AFP: variants seen among roughly 807,000 people sequenced by gnomAD.
The protein encoded by AFP is alpha-fetoprotein.
In AFP, 64 loss-of-function variants were observed where a neutral mutation model predicts 78.9. The observed-to-expected ratio is 0.81, with a 90% confidence interval of 0.66 to 1.00. The LOEUF (loss-of-function observed/expected upper bound fraction) is 1.00, where lower values mean the gene tolerates loss of function less well. Ranked by LOEUF, AFP falls within the 50% of genes least tolerant of loss-of-function variation. The pLI is 0.00. For missense variants in AFP, 689 were observed against 703.8 expected (o/e 0.98, Z 0.24); for synonymous variants, 254 against 243.8 (o/e 1.04, Z -0.39).
chr4:73,448,857 CT>C lies in AFP; in HGVS notation c.1059-476del, dbSNP rs533001116. Among the ~76,000 whole-genome samples, 94 of 152,214 alleles carry C rather than the reference CT, an allele frequency of 6.2e-4. 1 individual carries two copies. The South Asian group carries it at 0.015, about 25-fold the overall frequency. On this transcript the variant is annotated intron_variant, in intron 8 of 14. Transcript: ENST00000395792. ...CATTCAAAGTTAGTGGCCTCTCCAC[CT>C]TGGGTATCATCCTTTTTTCTCTTTT...
At chr4:73,450,594 G>GTTA in intron 10 of AFP, 21 bp from the exon 11 acceptor site, 1 of 1,614,066 alleles carries the variant, frequency 6.2e-7, no homozygotes, top group Non-Finnish European at 8.5e-7. Flanking sequence ...GCAGGACTTA[G>GTTA]TTAAAAAATG....
At chr4:73,437,243 T>C in intron 2 of AFP, 32 bp downstream of exon 2, 4 of 1,544,018 alleles carry the variant, frequency 2.6e-6, no homozygotes, top group Non-Finnish European at 3.6e-6. Context: ...GTACTTTAAA[T>C]GTGTAAAGCA....
At position 73,447,633 on chromosome 4, in the gene AFP, T is replaced by G. The variant is rs769775087; in HGVS notation, c.1015T>G (p.Phe339Val). The G allele has an allele frequency of 1.2e-6, 2 of 1,611,694 alleles. No homozygotes were observed. Among genetic ancestry groups the G allele is most frequent in the East Asian group, 4.5e-5 (2 of 44,862 alleles). ...AAACAGGTTTTTAGGAGATAGAGAT[T>G]TTAACCAATTTTCTTCAGGGGAAAA... ...NLNRFLGDRDFNQFSSGEKNI... is the reference protein window; with the variant it reads ...NLNRFLGDRDVNQFSSGEKNI... Residue 339 changes from phenylalanine (F) to valine (V), a missense_variant, in exon 8 of 15, where the codon TTT (phenylalanine) becomes GTT (valine). Physicochemically the swap from Phe to Val is conservative, Grantham distance 50 (BLOSUM62 -1). Transcript: ENST00000395792.
At chr4:73,449,512 A>C in intron 9 of AFP, 45 bp downstream of exon 9, 1 of 1,607,362 alleles carries the variant, frequency 6.2e-7, no homozygotes, top group Non-Finnish European at 8.5e-7. Context: ...AACTGGATTG[A>C]TATCATCTGT....
intron 13 of AFP, 83 bp from the exon 14 acceptor site, chr4:73,455,153 C>T (rs1346384492): frequency 8.2e-6 from 9 of 1,095,718 alleles, no homozygotes; most frequent in African/African-American, 1.5e-5. Flanking sequence ...CCTATGAATT[C>T]ACCCCGGATT....
chr4:73,449,917 T>G, intron 9 of AFP, 119 bp from the exon 10 acceptor site: 1 of 688,862 alleles, frequency 1.5e-6, no homozygotes, highest in Non-Finnish European at 2.5e-6. Context: ...CTTTACCATA[T>G]TTAATATTTA....
intron 4 of AFP, among the ~76,000 whole-genome samples, chr4:73,441,892 G>A (rs979234056): frequency 6.6e-6 from 1 of 152,166 alleles, no homozygotes; most frequent in African/African-American, 2.4e-5. Flanking sequence ...CTATCCAGGT[G>A]CATAACCCCA....
intron 5 of AFP, among the ~76,000 whole-genome samples, chr4:73,443,067 A>G (rs1719717306): frequency 1.3e-5 from 2 of 152,168 alleles, no homozygotes. Flanking sequence ...TAAGCTGTTT[A>G]AAGGTACAGT....
chr4:73,445,061 A>C lies in AFP; in HGVS notation c.782A>C (p.Asp261Ala), dbSNP rs766073703. ...ACTGAAATCCAGAAACTAGTCCTGG[A>C]TGTGGCCCATGTACATGAGCACTGT... is the stretch of plus-strand genomic sequence containing the variant. Reference protein sequence around the residue: ...NFTEIQKLVLDVAHVHEHCCR... With the variant: ...NFTEIQKLVLAVAHVHEHCCR... The change falls in exon 7 of 15, where the codon GAT becomes GCT. Residue 261 changes from aspartate to alanine, a missense_variant. Physicochemically the swap from Asp to Ala is moderately radical, Grantham distance 126. Coordinates refer to ENST00000395792, the MANE Select transcript of AFP (RefSeq NM_001134.3). 6.2e-7 allele frequency: 1 copy of C among 1,614,014 alleles called. No individual in the cohort carries two copies. Among genetic ancestry groups the C allele is most frequent in the South Asian group, 1.1e-5 (1 of 91,082 alleles).
chr4:73,437,040 T>C (rs1283480823), intron 1 of AFP, 120 bp from the exon 2 acceptor site: 2 of 778,960 alleles, frequency 2.6e-6, no homozygotes, highest in Non-Finnish European at 4.4e-6. Flanking sequence ...TTATCCCTAA[T>C]GTTCTTTTAA....
intron 3 of AFP, among the ~76,000 whole-genome samples, chr4:73,440,232 G>A (rs1719619790): frequency 6.6e-6 from 1 of 151,846 alleles, no homozygotes; most frequent in Non-Finnish European, 1.5e-5. Flanking sequence ...TCCCTGACAG[G>A]CCCCAGTGTG....
rs746207564 is a variant in AFP at position 73,450,737 on chromosome 4, C to T, written c.1412C>T (p.Ala471Val). The T allele has an allele frequency of 1.6e-5, 26 of 1,614,054 alleles. No individual in the cohort carries two copies. In the Admixed American group the frequency reaches 3.2e-4, roughly 20 times the overall value. Residue 471 changes from alanine (A) to valine (V), a missense_variant, in exon 11 of 15, where the codon GCC becomes GTC. By Grantham distance (64) the Ala-to-Val change is moderately conservative. Coordinates refer to ENST00000395792, the MANE Select transcript of AFP (RefSeq NM_001134.3). ...CCQLSEDKLL[A>V]CGEGAADIII... ...CAACTCAGTGAGGACAAACTATTGGCCTGTGGCGAGGGAGCGGTGAGTGTC... is the reference window on the plus strand; with the variant it reads ...CAACTCAGTGAGGACAAACTATTGGTCTGTGGCGAGGGAGCGGTGAGTGTC...
intron 6 of AFP, 139 bp downstream of exon 6, chr4:73,443,583 T>C: frequency 1.5e-6 from 1 of 681,824 alleles, no homozygotes; most frequent in Admixed American, 2.4e-5. Flanking sequence ...CTAATGGGAT[T>C]AGAACCATGA....
At chr4:73,441,394 G>A (rs1411830939) in intron 4 of AFP, among the ~76,000 whole-genome samples, 2 of 151,194 alleles carry the variant, frequency 1.3e-5, no homozygotes, top group Admixed American at 6.6e-5. Context: ...GTGAAACCCC[G>A]TCTCTACTAA....
At position 73,447,608 on chromosome 4, in the gene AFP, A is replaced by G; in HGVS notation, c.990A>G (p.Leu330=). 5.0e-6 allele frequency: 8 copies of G among 1,612,056 alleles called. 1 individual carries two copies. Among genetic ancestry groups the G allele is most frequent in the South Asian group, 2.2e-5 (2 of 90,960 alleles). ...AACCTGAAGGTCTATCTCCAAATCT[A>G]AACAGGTTTTTAGGAGATAGAGATT... is the stretch of plus-strand genomic sequence containing the variant. ...DEKPEGLSPN[L]NRFLGDRDFN... Residue 330 remains leucine, a synonymous_variant, in exon 8 of 15, where the codon CTA becomes CTG. Coordinates refer to ENST00000395792, the MANE Select transcript of AFP (RefSeq NM_001134.3).
At chr4:73,446,456 A>C (rs908085273) in intron 7 of AFP, among the ~76,000 whole-genome samples, 3 of 152,186 alleles carry the variant, frequency 2.0e-5, no homozygotes, top group African/African-American at 7.2e-5. Context: ...TTTGCTGAGA[A>C]TGTACAGAAT....
intron 12 of AFP, 88 bp downstream of exon 12, chr4:73,452,712 G>T: frequency 9.3e-7 from 1 of 1,071,628 alleles, no homozygotes; most frequent in South Asian, 1.3e-5. Context: ...AACACTATTG[G>T]GCTCACTAAC....
In AFP at chr4:73,442,375, A is replaced by G; in HGVS notation, c.562A>G (p.Ile188Val). 6.2e-7 allele frequency: 1 copy of G among 1,614,136 alleles called. No individual in the cohort carries two copies. The highest frequency in any genetic ancestry group is 1.3e-5 in the African/African-American group (1 of 75,064). The part of the protein sequence containing the change: ...ILLWAARYDK[I>V]IPSCCKAENA... ...TCTTTGGGCTGCTCGCTATGACAAA[A>G]TAATTCCATCTTGCTGCAAAGCTGA... The change falls in exon 5 of 15, where the codon ATA becomes GTA. Residue 188 changes from isoleucine to valine, a missense_variant. Coordinates refer to ENST00000395792, the MANE Select transcript of AFP (RefSeq NM_001134.3).
At chr4:73,445,604 T>C (rs1011325631) in intron 7 of AFP, among the ~76,000 whole-genome samples, 4 of 152,222 alleles carry the variant, frequency 2.6e-5, no homozygotes, top group Non-Finnish European at 1.5e-5. Context: ...AGTTAGGGAC[T>C]GCCTTGGTTT....
Sources: allele counts gnomAD v4.1 joint callset (sites outside exome capture counted in the v4.1 genomes callset), GRCh38; gene constraint gnomAD v4.1.1; transcripts MANE v1.5; gene names NCBI Gene and HGNC (gene_info 2026-07-23, HGNC 2026-07-21).